Variants in SDHB observed in about 807,000 individuals in gnomAD.
SDHB encodes the protein succinate dehydrogenase [ubiquinone] iron-sulfur subunit, mitochondrial.
In SDHB, 21 loss-of-function variants were observed where a neutral mutation model predicts 39.7. That is an observed-to-expected ratio of 0.53 (90% CI 0.37 to 0.76). The LOEUF is 0.76. SDHB is among the 30% of genes least tolerant of loss of function. The pLI is 0.00. For synonymous variants in SDHB, 118 were observed against 117.0 expected (o/e 1.01, Z -0.06); for missense variants, 343 against 350.9 (o/e 0.98, Z 0.18).
intron 1 of SDHB, among the ~76,000 whole-genome samples, chr1:17,045,799 C>T (rs914595977): frequency 2.6e-5 from 4 of 152,200 alleles, no homozygotes; most frequent in South Asian, 2.1e-4. Flanking sequence ...TGATTCGTCT[C>T]GGGCCAAGTC....
chr1:17,019,045 G>A, intron 7 of SDHB, 87 bp from the exon 8 acceptor site: 1 of 1,038,164 alleles, frequency 9.6e-7, no homozygotes, highest in Non-Finnish European at 1.5e-6. Flanking sequence ...TCCTTCCTCA[G>A]CTGGTTCAGT....
intron 2 of SDHB, among the ~76,000 whole-genome samples, chr1:17,043,772 G>A (rs912041447): frequency 4.6e-5 from 7 of 152,224 alleles, no homozygotes; most frequent in Non-Finnish European, 7.3e-5. Context: ...AAGAGCCAAG[G>A]AGTGCGGCAG....
intron 2 of SDHB, among the ~76,000 whole-genome samples, chr1:17,039,888 T>C (rs2078071319): frequency 6.6e-6 from 1 of 152,332 alleles, no homozygotes; most frequent in Non-Finnish European, 1.5e-5. Context: ...GGAAAAATCC[T>C]TTTATATCTA....
chr1:17,040,917 G>T (rs1467941134), intron 2 of SDHB, among the ~76,000 whole-genome samples: 1 of 152,102 alleles, frequency 6.6e-6, no homozygotes, highest in Non-Finnish European at 1.5e-5. Flanking sequence ...ATCACTTGAG[G>T]TCAGGAGTTT....
intron 2 of SDHB, among the ~76,000 whole-genome samples, chr1:17,040,415 T>C (rs984212753): frequency 2.0e-4 from 30 of 152,156 alleles, no homozygotes; most frequent in African/African-American, 7.2e-4. Flanking sequence ...CTTTTCTTTC[T>C]CTCCATTTTT....
intron 1 of SDHB, 79 bp downstream of exon 1, chr1:17,053,869 G>A (rs1051255011): frequency 9.4e-7 from 1 of 1,062,288 alleles, no homozygotes; most frequent in Non-Finnish European, 1.4e-6. Flanking sequence ...TGCTTCCTCA[G>A]TCTCTCCGCA....
chr1:17,042,795 T>C (rs2078088061), intron 2 of SDHB, among the ~76,000 whole-genome samples: 1 of 151,628 alleles, frequency 6.6e-6, no homozygotes, highest in South Asian at 2.1e-4. Flanking sequence ...GGAATTTAAC[T>C]CTTCCAGTTT....
At chr1:17,045,051 ACCT>A (rs2078102063) in intron 1 of SDHB, 163 bp from the exon 2 acceptor site, 5 of 661,314 alleles carry the variant, frequency 7.6e-6, no homozygotes, top group Non-Finnish European at 1.3e-5. Context: ...AGTATTAAGC[ACCT>A]ATCATATGCT....
intron 2 of SDHB, among the ~76,000 whole-genome samples, chr1:17,036,720 ATATT>A (rs1257473391): frequency 1.4e-5 from 2 of 146,892 alleles, no homozygotes; most frequent in African/African-American, 2.5e-5. Context: ...ATAAATATAA[ATATT>A]TATATAAATA....
intron 4 of SDHB, among the ~76,000 whole-genome samples, chr1:17,028,380 G>A (rs1006733400): frequency 6.6e-6 from 1 of 152,062 alleles, no homozygotes; most frequent in South Asian, 2.1e-4. Context: ...TTAAACTCTG[G>A]CCACACTGTC....
intron 2 of SDHB, among the ~76,000 whole-genome samples, chr1:17,044,400 C>T (rs1294365052): frequency 1.3e-5 from 2 of 151,488 alleles, no homozygotes; most frequent in Admixed American, 1.3e-4. Context: ...TCTCAGCTCA[C>T]TGCAACCTCT....
intron 1 of SDHB, among the ~76,000 whole-genome samples, 187 bp downstream of exon 1, chr1:17,053,761 C>T (rs1329689363): frequency 6.8e-6 from 1 of 148,126 alleles, no homozygotes; most frequent in East Asian, 2.1e-4. Flanking sequence ...CAAGCTGCTG[C>T]GAGGCGCAGA....
rs143394198 is a variant in SDHB, at chr1:17,042,954, GTTTTTTTTT to G, written c.200+1798_200+1806del. ...AGCAGTAGGGTTTTTTGTTTTATGAGTTTTTTTTTTTTTTTTTTTTTTTTTGAGACAGAG... is the reference window on the plus strand; with the variant it reads ...AGCAGTAGGGTTTTTTGTTTTATGAGTTTTTTTTTTTTTTTTGAGACAGAG... On this transcript the variant is annotated intron_variant, in intron 2 of 7. Coordinates refer to ENST00000375499, the MANE Select transcript of SDHB (RefSeq NM_003000.3). Among the ~76,000 whole-genome samples the G allele has an allele frequency of 1.3e-4, 8 of 62,872 alleles. 1 individual carries two copies. Among genetic ancestry groups the G allele is most frequent in the Non-Finnish European group, 1.3e-4 (5 of 37,706 alleles). 41.2% of individuals were successfully genotyped at this position (62,872 alleles called of 152,430 possible).
intron 6 of SDHB, among the ~76,000 whole-genome samples, chr1:17,023,573 G>C (rs1284583063): frequency 1.3e-5 from 2 of 152,158 alleles, no homozygotes; most frequent in African/African-American, 2.4e-5. Flanking sequence ...CATTAGCTGG[G>C]AAACAGCTTC....
chr1:17,021,103 G>C (rs139227011), intron 7 of SDHB, among the ~76,000 whole-genome samples: 9 of 152,334 alleles, frequency 5.9e-5, no homozygotes, highest in Non-Finnish European at 1.3e-4. Flanking sequence ...ACTGGGCAAG[G>C]CTGACTGGAC....
chr1:17,027,720 G>A, intron 5 of SDHB, 29 bp downstream of exon 5: 1 of 1,288,920 alleles, frequency 7.8e-7, no homozygotes, highest in Non-Finnish European at 1.1e-6. Context: ...AAATTCTTCA[G>A]ATTGAAACAA....
At chr1:17,023,742 C>A (rs567522214) in intron 6 of SDHB, among the ~76,000 whole-genome samples, 1 of 152,336 alleles carries the variant, frequency 6.6e-6, no homozygotes, top group East Asian at 1.9e-4. Context: ...GCATGGTTTG[C>A]ACCCCTTTGG....
At chr1:17,039,742 T>C (rs1390828047) in intron 2 of SDHB, among the ~76,000 whole-genome samples, 2 of 152,248 alleles carry the variant, frequency 1.3e-5, no homozygotes, top group African/African-American at 2.4e-5. Flanking sequence ...TACATTATTA[T>C]AGGTCTATTT....
At chr1:17,051,224 C>T (rs1293652709) in intron 1 of SDHB, among the ~76,000 whole-genome samples, 1 of 152,136 alleles carries the variant, frequency 6.6e-6, no homozygotes, top group Non-Finnish European at 1.5e-5. Context: ...GAAAGAGGGC[C>T]CCTTGAAAGC....
Sources: allele counts gnomAD v4.1 joint callset (sites outside exome capture counted in the v4.1 genomes callset), GRCh38; gene constraint gnomAD v4.1.1; transcripts MANE v1.5; gene names NCBI Gene and HGNC (gene_info 2026-07-23, HGNC 2026-07-21).